CTDSPL2: variants seen among roughly 807,000 people sequenced by gnomAD.
The protein encoded by CTDSPL2 is CTD small phosphatase like 2, also known as CTD small phosphatase-like protein 2.
A neutral mutation model predicts 60.0 loss-of-function variants in CTDSPL2; 5 were observed. The observed-to-expected ratio is 0.08, with a 90% CI of 0.04 to 0.18. CTDSPL2 has a LOEUF of 0.18. Ranked by LOEUF, CTDSPL2 falls within the 10% of genes least tolerant of loss-of-function variation. CTDSPL2 has a pLI of 1.00. For synonymous variants in CTDSPL2, 186 were observed against 189.3 expected (o/e 0.98, Z 0.14); for missense variants, 370 against 548.8 (o/e 0.67, Z 3.26).
chr15:44,514,907 A>G (rs1269786217), intron 10 of CTDSPL2, 63 bp downstream of exon 10: 4 of 1,015,586 alleles, frequency 3.9e-6, no homozygotes, highest in African/African-American at 1.6e-5. Context: ...TACTGATTCT[A>G]TTTCATTTTA....
chr15:44,496,012 T>C (rs758875743), intron 5 of CTDSPL2, among the ~76,000 whole-genome samples: 2 of 152,188 alleles, frequency 1.3e-5, no homozygotes, highest in Non-Finnish European at 2.9e-5. Flanking sequence ...CAAGGCATTT[T>C]ATGAACTATT....
At chr15:44,465,055 T>C (rs2080657597) in intron 2 of CTDSPL2, among the ~76,000 whole-genome samples, 1 of 152,092 alleles carries the variant, frequency 6.6e-6, no homozygotes, top group South Asian at 2.1e-4. Flanking sequence ...TCAAATACGG[T>C]CACGTTCTGA....
At chr15:44,434,020 A>G (rs1464687255) in intron 1 of CTDSPL2, among the ~76,000 whole-genome samples, 1 of 151,954 alleles carries the variant, frequency 6.6e-6, no homozygotes, top group African/African-American at 2.4e-5. Flanking sequence ...AACAACCCAT[A>G]TATTGCTTCT....
intron 1 of CTDSPL2, among the ~76,000 whole-genome samples, chr15:44,451,867 A>G (rs2080340816): frequency 6.6e-6 from 1 of 152,336 alleles, no homozygotes; most frequent in South Asian, 2.1e-4. Context: ...TTACTAAAGC[A>G]TACCTCCCTA....
chr15:44,515,110 G>C (rs1057454641), intron 10 of CTDSPL2, among the ~76,000 whole-genome samples: 14 of 150,730 alleles, frequency 9.3e-5, no homozygotes, highest in Non-Finnish European at 1.9e-4. Flanking sequence ...GGAAGACGGG[G>C]GTTGGGGGGG....
At chr15:44,492,583 T>C (rs893553752) in intron 5 of CTDSPL2, among the ~76,000 whole-genome samples, 1 of 152,114 alleles carries the variant, frequency 6.6e-6, no homozygotes, top group Non-Finnish European at 1.5e-5. Flanking sequence ...AAAAAGTAAT[T>C]GACACAGCAG....
chr15:44,466,934 G>A (rs1036072067), intron 2 of CTDSPL2, among the ~76,000 whole-genome samples: 9 of 150,774 alleles, frequency 6.0e-5, no homozygotes, highest in Non-Finnish European at 1.0e-4. Context: ...GCGCGACTCC[G>A]TCTCAAAAAA....
intron 10 of CTDSPL2, among the ~76,000 whole-genome samples, chr15:44,515,699 C>T (rs552460989): frequency 3.3e-5 from 5 of 152,056 alleles, no homozygotes; most frequent in South Asian, 2.1e-4. Context: ...GGAGAAACCC[C>T]GTGTCTCTAC....
intron 1 of CTDSPL2, among the ~76,000 whole-genome samples, chr15:44,439,065 T>C (rs2080030376): frequency 6.6e-6 from 1 of 152,038 alleles, no homozygotes; most frequent in Non-Finnish European, 1.5e-5. Context: ...ATGCCTAAAT[T>C]GTATCATTTT....
chr15:44,445,047 T>C (rs1276403788), intron 1 of CTDSPL2, among the ~76,000 whole-genome samples: 3 of 151,598 alleles, frequency 2.0e-5, no homozygotes, highest in African/African-American at 7.3e-5. Flanking sequence ...GGTTTCACCG[T>C]GTTAGCTAGG....
intron 2 of CTDSPL2, among the ~76,000 whole-genome samples, chr15:44,468,949 T>A (rs955252808): frequency 3.3e-5 from 5 of 152,202 alleles, no homozygotes; most frequent in African/African-American, 1.2e-4. Flanking sequence ...CTCCTGTTAG[T>A]CACTTAGTAG....
chr15:44,475,516 G>C (rs1411513239), intron 2 of CTDSPL2, among the ~76,000 whole-genome samples: 1 of 151,928 alleles, frequency 6.6e-6, no homozygotes, highest in Non-Finnish European at 1.5e-5. Flanking sequence ...GTGGGCACCT[G>C]TAATCCCAGC....
chr15:44,458,919 C>A, intron 1 of CTDSPL2, 72 bp from the exon 2 acceptor site: 1 of 977,620 alleles, frequency 1.0e-6, no homozygotes, highest in African/African-American at 1.7e-5. Flanking sequence ...ATAAGCTGGG[C>A]ACATTTGGGT....
At chr15:44,493,971 ACT>A (rs1182414644) in intron 5 of CTDSPL2, among the ~76,000 whole-genome samples, 2 of 152,148 alleles carry the variant, frequency 1.3e-5, no homozygotes, top group African/African-American at 4.8e-5. Context: ...CACCACGTTG[ACT>A]CTGTCTCAAA....
chr15:44,438,221 G>A (rs1019842029), intron 1 of CTDSPL2, among the ~76,000 whole-genome samples: 31 of 150,048 alleles, frequency 2.1e-4, no homozygotes, highest in African/African-American at 7.1e-4. Context: ...CTGAGATCGC[G>A]CCACTGCGCT....
At chr15:44,441,367 C>T (rs1430451661) in intron 1 of CTDSPL2, among the ~76,000 whole-genome samples, 1 of 152,150 alleles carries the variant, frequency 6.6e-6, no homozygotes, top group Non-Finnish European at 1.5e-5. Flanking sequence ...GTAGAAGCTG[C>T]TCCCTTCCTC....
At chr15:44,432,458 T>C (rs781388055) in intron 1 of CTDSPL2, among the ~76,000 whole-genome samples, 1 of 150,332 alleles carries the variant, frequency 6.7e-6, no homozygotes, top group Non-Finnish European at 1.5e-5. Context: ...TAGCTAGGAT[T>C]ATAGGCACAC....
At chr15:44,501,726 T>A (rs910574194) in intron 8 of CTDSPL2, among the ~76,000 whole-genome samples, 1 of 152,190 alleles carries the variant, frequency 6.6e-6, no homozygotes, top group East Asian at 1.9e-4. Context: ...GCTATAGAGA[T>A]GATTGCACTT....
chr15:44,438,655 A>G (rs1168007223), intron 1 of CTDSPL2, among the ~76,000 whole-genome samples: 1 of 152,146 alleles, frequency 6.6e-6, no homozygotes, highest in Admixed American at 6.6e-5. Context: ...TGGTATGGGA[A>G]AAGTGAATTC....
Sources: allele counts gnomAD v4.1 joint callset (sites outside exome capture counted in the v4.1 genomes callset), GRCh38; gene constraint gnomAD v4.1.1; transcripts MANE v1.5; gene names NCBI Gene and HGNC (gene_info 2026-07-23, HGNC 2026-07-21).